Variants in NAALADL2 observed in about 807,000 individuals in gnomAD.
The protein encoded by NAALADL2 is N-acetylated alpha-linked acidic dipeptidase like 2.
Under a neutral mutation model 87.2 loss-of-function variants are expected in NAALADL2, and 76 were observed. The ratio of observed to expected loss-of-function variants is 0.87; its 90% CI spans 0.72 to 1.05. NAALADL2 has a LOEUF of 1.05. NAALADL2 is among the 50% of genes least tolerant of loss of function. The probability of loss-of-function intolerance (pLI) is 0.00; values close to 1 mark genes in which losing one functional copy is unlikely to be tolerated. For synonymous variants in NAALADL2, 354 were observed against 331.0 expected (o/e 1.07, Z -0.75); for missense variants, 1,089 against 945.8 (o/e 1.15, Z -1.99).
chr3:175,787,951 G>GTGTT lies in NAALADL2; in HGVS notation c.2190-15053_2190-15050dup, dbSNP rs570969478. Among the ~76,000 whole-genome samples the GTGTT allele has an allele frequency of 3.8e-4, 58 of 152,190 alleles. 1 individual carries two copies. In the South Asian group the frequency reaches 8.1e-3, roughly 21 times the overall value. Reference sequence around the variant, plus strand: ...AAATTTAGTATAGCCTAAGTGTACAGTGTTAATGAAGTCTATAATAGTAAT... The same window carrying GTGTT: ...AAATTTAGTATAGCCTAAGTGTACAGTGTTTGTTAATGAAGTCTATAATAGTAAT... On this transcript the variant is annotated intron_variant, in intron 13 of 13. Transcript: ENST00000454872.
intron 5 of NAALADL2, among the ~76,000 whole-genome samples, chr3:175,329,801 A>G (rs1487977090): frequency 6.6e-6 from 1 of 152,210 alleles, no homozygotes; most frequent in Non-Finnish European, 1.5e-5. Flanking sequence ...TTTATTCATA[A>G]CATCTTGAAA....
chr3:175,327,148 C>CTT (rs35198621), intron 5 of NAALADL2, among the ~76,000 whole-genome samples: 166 of 99,476 alleles, frequency 1.7e-3, no homozygotes, highest in Non-Finnish European at 2.2e-3. Flanking sequence ...GTCTACATTT[C>CTT]TTTTTTTTTT....
chr3:175,017,109 G>A (rs1395179510), intron 1 of NAALADL2, among the ~76,000 whole-genome samples: 1 of 151,918 alleles, frequency 6.6e-6, no homozygotes, highest in African/African-American at 2.4e-5. Context: ...CATAGAATGG[G>A]TGTGGTAGAA....
intron 3 of NAALADL2, among the ~76,000 whole-genome samples, chr3:174,805,799 T>G (rs1719399006): frequency 6.6e-6 from 1 of 152,184 alleles, no homozygotes; most frequent in African/African-American, 2.4e-5. Context: ...AAATATGAGT[T>G]AAATCATAAA....
chr3:174,725,273 T>A (rs1732077396), intron 2 of NAALADL2, among the ~76,000 whole-genome samples: 1 of 152,188 alleles, frequency 6.6e-6, no homozygotes, highest in African/African-American at 2.4e-5. Context: ...ACCTAATTCA[T>A]TAGATGTTAG....
At chr3:175,292,647 T>C (rs1423894766) in intron 4 of NAALADL2, among the ~76,000 whole-genome samples, 1 of 149,628 alleles carries the variant, frequency 6.7e-6, no homozygotes, top group Admixed American at 6.7e-5. Context: ...AGGTTTACCA[T>C]ATTCATTCTG....
chr3:175,664,464 G>A (rs975116293), intron 11 of NAALADL2, among the ~76,000 whole-genome samples: 1 of 152,066 alleles, frequency 6.6e-6, no homozygotes, highest in South Asian at 2.1e-4. Context: ...AGTTGTAGTA[G>A]AGAAGCCATT....
intron 1 of NAALADL2, among the ~76,000 whole-genome samples, chr3:175,049,111 T>C (rs1188615194): frequency 3.9e-5 from 6 of 152,102 alleles, no homozygotes; most frequent in Non-Finnish European, 7.4e-5. Context: ...ATTTTTTTTT[T>C]CCTAGAATCA....
At chr3:175,600,246 T>G (rs10936855) in intron 10 of NAALADL2, among the ~76,000 whole-genome samples, 105,677 of 151,024 alleles carry the variant, frequency 0.7, 37,780 homozygotes, top group East Asian at 0.85. Context: ...TATTCTTTTA[T>G]CCCCTTAGTC....
intron 10 of NAALADL2, among the ~76,000 whole-genome samples, chr3:175,599,765 CA>C (rs1722705890): frequency 6.6e-6 from 1 of 152,018 alleles, no homozygotes; most frequent in Non-Finnish European, 1.5e-5. Context: ...TTTCTTTGAC[CA>C]AAATGGTATC....
At chr3:174,849,277 A>T (rs1378596409) in intron 3 of NAALADL2, among the ~76,000 whole-genome samples, 1 of 152,182 alleles carries the variant, frequency 6.6e-6, no homozygotes, top group Non-Finnish European at 1.5e-5. Context: ...TTTATACTTT[A>T]CAAACTTTTT....
intron 10 of NAALADL2, among the ~76,000 whole-genome samples, chr3:175,614,705 G>A (rs1247484287): frequency 6.6e-6 from 1 of 152,036 alleles, no homozygotes; most frequent in South Asian, 2.1e-4. Context: ...AAGAATATTT[G>A]GATATAGTGT....
chr3:175,769,969 T>A lies in NAALADL2; in HGVS notation c.2189+14551T>A, dbSNP rs557727313. ...CTAAGGCAGATTTTTTTTTTCTTGTTCAGGGTGCCTCATGTTTTGTTTTGA... is the reference window on the plus strand; with the variant it reads ...CTAAGGCAGATTTTTTTTTTCTTGTACAGGGTGCCTCATGTTTTGTTTTGA... On this transcript the variant is annotated intron_variant, in intron 13 of 13. Transcript: ENST00000454872. 2.0e-3 allele frequency among the ~76,000 whole-genome samples: 276 copies of A among 138,852 alleles called. 1 individual carries two copies. The highest frequency in any genetic ancestry group is 8.2e-3 in the African/African-American group (262 of 32,074). 91.1% of individuals were successfully genotyped at this position (138,852 alleles called of 152,430 possible).
intron 2 of NAALADL2, among the ~76,000 whole-genome samples, chr3:175,222,467 G>A (rs892334764): frequency 2.6e-5 from 4 of 152,138 alleles, no homozygotes; most frequent in Non-Finnish European, 5.9e-5. Context: ...TCTCTGAAAT[G>A]TTTCCTACTC....
chr3:174,496,597 G>T (rs933893454), intron 1 of NAALADL2, among the ~76,000 whole-genome samples: 4 of 150,956 alleles, frequency 2.6e-5, no homozygotes, highest in African/African-American at 7.3e-5. Flanking sequence ...TACTCAAGGG[G>T]TTGGAATTAT....
At chr3:175,182,565 T>TTTG (rs1332794407) in intron 2 of NAALADL2, among the ~76,000 whole-genome samples, 1 of 110,160 alleles carries the variant, frequency 9.1e-6, no homozygotes, top group Non-Finnish European at 1.9e-5. Context: ...TTTTTTTTTT[T>TTTG]TTTTTTTTTT....
At chr3:175,769,198 A>T (rs1025341594) in intron 13 of NAALADL2, among the ~76,000 whole-genome samples, 1 of 152,252 alleles carries the variant, frequency 6.6e-6, no homozygotes, top group African/African-American at 2.4e-5. Flanking sequence ...GCAAGTACGC[A>T]GTGTCTACCA....
At chr3:174,947,108 C>A (rs1398470877) in intron 1 of NAALADL2, among the ~76,000 whole-genome samples, 2 of 152,102 alleles carry the variant, frequency 1.3e-5, no homozygotes, top group Non-Finnish European at 2.9e-5. Flanking sequence ...AGCATCATAA[C>A]TTATCTATAG....
At chr3:174,902,145 A>G (rs539472149) in intron 1 of NAALADL2, among the ~76,000 whole-genome samples, 1 of 152,274 alleles carries the variant, frequency 6.6e-6, no homozygotes, top group Admixed American at 6.5e-5. Flanking sequence ...CTCTTTGTGT[A>G]GCATAAGTCT....
Sources: allele counts gnomAD v4.1 joint callset (sites outside exome capture counted in the v4.1 genomes callset), GRCh38; gene constraint gnomAD v4.1.1; transcripts MANE v1.5; gene names NCBI Gene and HGNC (gene_info 2026-07-23, HGNC 2026-07-21).